The following ZG16B variants were observed in gnomAD, a reference collection of about 807,000 sequenced individuals.
ZG16B encodes the protein zymogen granule protein 16B.
In ZG16B, 8 loss-of-function variants were observed where a neutral mutation model predicts 7.0. The ratio of observed to expected loss-of-function variants is 1.15; its 90% CI spans 0.68 to 2.08. The LOEUF (loss-of-function observed/expected upper bound fraction) is 2.08, where lower values mean the gene tolerates loss of function less well. ZG16B is among the 30% of genes most tolerant of loss of function. The probability of loss-of-function intolerance (pLI) is 0.00; values close to 1 mark genes in which losing one functional copy is unlikely to be tolerated. For synonymous variants in ZG16B, 92 were observed against 86.1 expected, an observed-to-expected ratio of 1.07 and a Z score of -0.38; for missense variants, 232 against 211.0, an observed-to-expected ratio of 1.10 and a Z score of -0.62.
chr16:2,831,048 A>G (rs1055683670), intron 3 of ZG16B: 6 of 458,850 alleles, frequency 1.3e-5, no homozygotes, highest in African/African-American at 1.2e-4. Flanking sequence ...CTGATAGGAA[A>G]GTCAGGGGAA....
chr16:2,830,325 C>G lies in ZG16B; in HGVS notation c.-31C>G. ...GCACAACCAGACGCCCAGTCACAGGCGAGGTAAGGTGCTTGGCTCCATGGG... is the reference window on the plus strand; with the variant it reads ...GCACAACCAGACGCCCAGTCACAGGGGAGGTAAGGTGCTTGGCTCCATGGG... On this transcript the variant is annotated 5_prime_UTR_variant, in exon 1 of 4. Coordinates refer to ENST00000382280, the MANE Select transcript of ZG16B (RefSeq NM_145252.3). 1 of 1,613,174 alleles carries G rather than the reference C, an allele frequency of 6.2e-7. No homozygotes were observed.
chr16:2,831,678 C>T, intron 3 of ZG16B, 118 bp from the exon 4 acceptor site: 2 of 1,455,204 alleles, frequency 1.4e-6, no homozygotes, highest in Non-Finnish European at 1.8e-6. Context: ...TGTCAGGGAC[C>T]CAAAGTCTGA....
In ZG16B at chr16:2,830,476, G is replaced by T. The variant is rs1281337582; in HGVS notation, c.35G>T (p.Gly12Val). Residue 12 changes from glycine (G) to valine (V), a missense_variant, in exon 2 of 4, where the codon GGC becomes GTC. Physicochemically the swap from Gly to Val is moderately radical, Grantham distance 109 (BLOSUM62 -3). Transcript: ENST00000382280. ...CTGCTCACGCTTGCCCTCCTGGGGG[G>T]CCCCACCTGGGCAGGGAGTAAGTCA... ...LLLLTLALLGGPTWAGKMYGP... is the reference protein window; with the variant it reads ...LLLLTLALLGVPTWAGKMYGP... 3.8e-6 allele frequency: 6 copies of T among 1,597,982 alleles called. No individual in the cohort carries two copies. The highest frequency in any genetic ancestry group is 1.8e-5 in the Admixed American group (1 of 56,942).
chr16:2,830,324 G>A lies in ZG16B; in HGVS notation c.-32G>A. The stretch of plus-strand genomic sequence containing the variant: ...GGCACAACCAGACGCCCAGTCACAG[G>A]CGAGGTAAGGTGCTTGGCTCCATGG... On this transcript the variant is annotated 5_prime_UTR_variant, in exon 1 of 4. Transcript: ENST00000382280. 1 of 1,613,272 alleles carries A rather than the reference G, an allele frequency of 6.2e-7. No homozygotes were observed.
chr16:2,831,674 G>A (rs758189), intron 3 of ZG16B, 122 bp from the exon 4 acceptor site: 962,611 of 1,424,048 alleles, frequency 0.68, 326,865 homozygotes, highest in Middle Eastern at 0.74. Context: ...TCTGTGTCAG[G>A]GACCCAAAGT....
chr16:2,830,604 C>A, intron 2 of ZG16B, 90 bp from the exon 3 acceptor site: 1 of 1,589,698 alleles, frequency 6.3e-7, no homozygotes, highest in African/African-American at 1.3e-5. Flanking sequence ...TCCTGTCTGC[C>A]TGGAGGGGTG....
rs2069260888 is a variant in ZG16B at position 2,832,067 on chromosome 16, A to G, written c.427A>G (p.Ile143Val). 6.2e-7 allele frequency: 1 copy of G among 1,614,100 alleles called. No individual in the cohort carries two copies. The highest frequency in any genetic ancestry group is 8.5e-7 in the Non-Finnish European group (1 of 1,180,006). ...GTATCAACTCCTTGGCATCAAGAGC[A>G]TTGGCTTTGAATGGAATTATCCACT... Reference protein sequence around the residue: ...GQYQLLGIKSIGFEWNYPLEE... With the variant: ...GQYQLLGIKSVGFEWNYPLEE... The change falls in exon 4 of 4, where the codon ATT (isoleucine) becomes GTT (valine). Residue 143 changes from isoleucine (I) to valine (V), a missense_variant. Ile to Val is a conservative substitution (Grantham distance 29). Transcript: ENST00000382280.
chr16:2,831,347 C>T (rs755907758), intron 3 of ZG16B, among the ~76,000 whole-genome samples: 5 of 152,140 alleles, frequency 3.3e-5, no homozygotes, highest in Non-Finnish European at 7.4e-5. Context: ...AGATGAGCCC[C>T]GTCAGGGAAG....
Position 2,830,655 on chromosome 16 carries a change from A to C in ZG16B, c.53-39A>C, listed in dbSNP as rs1000879846. 3.1e-6 allele frequency: 5 copies of C among 1,612,520 alleles called. No individual in the cohort carries two copies. In the African/African-American group the frequency reaches 5.3e-5, roughly 17 times the overall value. On this transcript the variant is annotated intron_variant, in intron 2 of 3. Coordinates refer to ENST00000382280, the MANE Select transcript of ZG16B (RefSeq NM_145252.3). ...GCAGAGGTCACCCCCATATCACCGC[A>C]TGGGGATTTTCTTCCCTTTGGGTCT...
Position 2,830,858 on chromosome 16 carries a change from A to G in ZG16B, c.155+62A>G, listed in dbSNP as rs1596319661. ...CCCCTCCCATCCCACAGTTTCAGGA[A>G]CTCAGGGCAGGGGGTAAGCACCCGT... On this transcript the variant is annotated intron_variant, in intron 3 of 3. Coordinates refer to ENST00000382280, the MANE Select transcript of ZG16B (RefSeq NM_145252.3). The G allele has an allele frequency of 5.7e-6, 9 of 1,586,950 alleles. No individual in the cohort carries two copies. In the Admixed American group the frequency reaches 1.4e-4, roughly 24 times the overall value.
Position 2,830,337 on chromosome 16 carries a change from C to T in ZG16B, c.-28+9C>T. ...GCCCAGTCACAGGCGAGGTAAGGTGCTTGGCTCCATGGGTGGGGCCCGGCA... is the reference window on the plus strand; with the variant it reads ...GCCCAGTCACAGGCGAGGTAAGGTGTTTGGCTCCATGGGTGGGGCCCGGCA... On this transcript the variant is annotated intron_variant, in intron 1 of 3. Transcript: ENST00000382280. 1.2e-5 allele frequency: 20 copies of T among 1,612,774 alleles called. No homozygotes were observed. The highest frequency in any genetic ancestry group is 1.7e-5 in the Non-Finnish European group (20 of 1,179,478).
Position 2,832,187 on chromosome 16 carries a change from G to A in ZG16B, c.*28G>A. 1.9e-6 allele frequency: 3 copies of A among 1,598,140 alleles called. No homozygotes were observed. The highest frequency in any genetic ancestry group is 1.1e-5 in the South Asian group (1 of 89,670). ...TGGGGTATGGGGCCATCCGAGCTGA[G>A]GCCATCTGGGTGGTGGTGGCTGATG... is the stretch of plus-strand genomic sequence containing the variant. On this transcript the variant is annotated 3_prime_UTR_variant, in exon 4 of 4. Coordinates refer to ENST00000382280, the MANE Select transcript of ZG16B (RefSeq NM_145252.3).
At chr16:2,830,993 A>G (rs1462988614) in intron 3 of ZG16B, 197 bp downstream of exon 3, 3 of 569,206 alleles carry the variant, frequency 5.3e-6, no homozygotes, top group Non-Finnish European at 6.2e-6. Context: ...TTCTCCCTTC[A>G]ACCCAAGCTC....
chr16:2,830,555 C>G, intron 2 of ZG16B, 62 bp downstream of exon 2: 1 of 1,582,606 alleles, frequency 6.3e-7, no homozygotes, highest in Non-Finnish European at 8.6e-7. Context: ...CAGGGACTCA[C>G]CCGGCCCTTG....
Position 2,830,803 on chromosome 16 carries a change from A to AGG in ZG16B, c.155+9_155+10dup, listed in dbSNP as rs1428218710. The AGG allele has an allele frequency of 8.1e-6, 13 of 1,613,722 alleles. No individual in the cohort carries two copies. Among genetic ancestry groups the AGG allele is most frequent in the Admixed American group, 3.3e-5 (2 of 60,008 alleles). On this transcript the variant is annotated splice_region_variant and intron_variant, in intron 3 of 3. Coordinates refer to ENST00000382280, the MANE Select transcript of ZG16B (RefSeq NM_145252.3). ...GTCTTCTCCTGGTGAAAAGGTGAGT[A>AGG]GGGCTATGGTCATGGGCCCAGCGCC...
chr16:2,830,466 C>T lies in ZG16B; in HGVS notation c.25C>T (p.Leu9Phe), dbSNP rs1158500556. 1 of 1,601,024 alleles carries T rather than the reference C, an allele frequency of 6.2e-7. No homozygotes were observed. Among genetic ancestry groups the T allele is most frequent in the Non-Finnish European group, 8.5e-7 (1 of 1,174,080 alleles). The change falls in exon 2 of 4, where the codon CTC (leucine) becomes TTC (phenylalanine). Residue 9 changes from leucine (L) to phenylalanine (F), a missense_variant. Leu to Phe is a conservative substitution (Grantham distance 22, BLOSUM62 0). Coordinates refer to ENST00000382280, the MANE Select transcript of ZG16B (RefSeq NM_145252.3). MLLLLTLA[L>F]LGGPTWAGKM... ...CATGCTGCTGCTGCTCACGCTTGCC[C>T]TCCTGGGGGGCCCCACCTGGGCAGG...
Position 2,830,533 on chromosome 16 carries a change from C to G in ZG16B, c.52+40C>G, listed in dbSNP as rs2069246948. The G allele has an allele frequency of 1.9e-6, 3 of 1,589,948 alleles. No homozygotes were observed. In the East Asian group the frequency reaches 6.7e-5, roughly 36 times the overall value. ...TCTGCCCTCAATCTCCCCTGCCTCC[C>G]TCCAGGAGAGCCAGGGACTCACCCG... On this transcript the variant is annotated intron_variant, in intron 2 of 3. Coordinates refer to ENST00000382280, the MANE Select transcript of ZG16B (RefSeq NM_145252.3).
rs1051742481 is a variant in ZG16B at position 2,832,074 on chromosome 16, T to G, written c.434T>G (p.Phe145Cys). ...YQLLGIKSIG[F>C]EWNYPLEEPT... ...CTCCTTGGCATCAAGAGCATTGGCT[T>G]TGAATGGAATTATCCACTAGAGGAG... The change falls in exon 4 of 4, where the codon TTT becomes TGT. Residue 145 changes from phenylalanine to cysteine, a missense_variant. Transcript: ENST00000382280. The G allele has an allele frequency of 6.2e-7, 1 of 1,614,072 alleles. No homozygotes were observed. The highest frequency in any genetic ancestry group is 8.5e-7 in the Non-Finnish European group (1 of 1,180,016).
At chr16:2,831,282 C>T (rs547229156) in intron 3 of ZG16B, 12 of 187,518 alleles carry the variant, frequency 6.4e-5, no homozygotes, top group Admixed American at 3.8e-4. Context: ...AGAGTGTGGG[C>T]GGGGCGAGCC....
Sources: gnomAD v4.1 joint callset for allele counts (sites outside exome capture counted in the v4.1 genomes callset) on GRCh38, gnomAD v4.1.1 for gene constraint, MANE v1.5 for transcripts, NCBI Gene and HGNC (gene_info 2026-07-23, HGNC 2026-07-21) for gene names.